PALM2AKAP2: variants seen among roughly 807,000 people sequenced by gnomAD.
The protein encoded by PALM2AKAP2 is PALM2 and AKAP2 fusion, also known as PALM2-AKAP2 fusion protein.
In PALM2AKAP2, 37 loss-of-function variants were observed where a neutral mutation model predicts 71.5. The ratio of observed to expected loss-of-function variants is 0.52; its 90% CI spans 0.40 to 0.68. The LOEUF is 0.68. Among genes scored for constraint, PALM2AKAP2 ranks in the 30% least tolerant of loss-of-function variants. PALM2AKAP2 has a pLI of 0.00. For missense variants in PALM2AKAP2, 1,224 were observed against 1,191.8 expected, an observed-to-expected ratio of 1.03 and a Z score of -0.40; for synonymous variants, 468 against 478.8, an observed-to-expected ratio of 0.98 and a Z score of 0.29.
At chr9:109,882,704 G>A (rs1023670629) in intron 3 of PALM2AKAP2, among the ~76,000 whole-genome samples, 2 of 151,906 alleles carry the variant, frequency 1.3e-5, no homozygotes, top group African/African-American at 4.8e-5. Context: ...CTGCAGTGGT[G>A]CGATCATAGC....
At chr9:109,747,208 G>A (rs1386280224) in intron 1 of PALM2AKAP2, among the ~76,000 whole-genome samples, 1 of 152,156 alleles carries the variant, frequency 6.6e-6, no homozygotes, top group Non-Finnish European at 1.5e-5. Context: ...ACCAGCAGAT[G>A]GATTCACTAG....
chr9:109,722,131 T>C (rs992390801), intron 1 of PALM2AKAP2, among the ~76,000 whole-genome samples: 1 of 152,198 alleles, frequency 6.6e-6, no homozygotes, highest in Non-Finnish European at 1.5e-5. Flanking sequence ...GATTTAACTG[T>C]CCATTTATTG....
intron 6 of PALM2AKAP2, among the ~76,000 whole-genome samples, chr9:109,987,577 C>A (rs1041766857): frequency 3.9e-5 from 6 of 152,160 alleles, no homozygotes; most frequent in African/African-American, 1.4e-4. Context: ...TTTATCATTT[C>A]CTGGAATGCT....
chr9:109,709,598 C>T (rs1408783824), intron 1 of PALM2AKAP2, among the ~76,000 whole-genome samples: 1 of 152,192 alleles, frequency 6.6e-6, no homozygotes, highest in African/African-American at 2.4e-5. Flanking sequence ...TCACCAGGCT[C>T]TACTCCTCAG....
intron 6 of PALM2AKAP2, among the ~76,000 whole-genome samples, chr9:110,003,163 G>T (rs1156975507): frequency 6.6e-6 from 1 of 151,776 alleles, no homozygotes; most frequent in African/African-American, 2.4e-5. Context: ...TCTCTTGTGG[G>T]CATTTAGTGC....
rs77676165 is a variant in PALM2AKAP2, at chr9:110,090,577, C to T, written c.156+41722C>T. On this transcript the variant is annotated intron_variant, in intron 1 of 3. Transcript: ENST00000374525. ...GTCACCCAGAGAGAAAAAGCATATC[C>T]CAAACATTTCAGTTTCTGGGAGTTC... 3.0e-3 allele frequency among the ~76,000 whole-genome samples: 454 copies of T among 152,230 alleles called. 3 individuals carry two copies. The highest frequency in any genetic ancestry group is 0.011 in the African/African-American group (439 of 41,528).
chr9:110,005,731 A>G (rs142897580), intron 6 of PALM2AKAP2, among the ~76,000 whole-genome samples: 2,813 of 151,476 alleles, frequency 0.019, 96 homozygotes, highest in African/African-American at 0.065. Context: ...AATGGCAGGC[A>G]CCCCTCCCCC....
intron 7 of PALM2AKAP2, among the ~76,000 whole-genome samples, chr9:110,026,043 T>C (rs567472868): frequency 3.3e-5 from 5 of 152,026 alleles, no homozygotes; most frequent in Admixed American, 3.3e-4. Context: ...TGCATCAATC[T>C]CTCTTCTTTC....
chr9:109,798,965 G>T (rs565356107), intron 1 of PALM2AKAP2, among the ~76,000 whole-genome samples: 1 of 152,076 alleles, frequency 6.6e-6, no homozygotes, highest in East Asian at 1.9e-4. Context: ...GCTGCCCTCC[G>T]TTTCCCCTCC....
At chr9:109,848,729 C>A (rs944789760) in intron 1 of PALM2AKAP2, among the ~76,000 whole-genome samples, 19 of 150,924 alleles carry the variant, frequency 1.3e-4, no homozygotes, top group African/African-American at 4.6e-4. Flanking sequence ...ATCGCTTGAG[C>A]CCAGGAGTTT....
chr9:110,088,507 G>A lies in PALM2AKAP2; in HGVS notation c.156+39652G>A, dbSNP rs144434745. 2.0e-3 allele frequency among the ~76,000 whole-genome samples: 301 copies of A among 152,190 alleles called. 2 individuals carry two copies. The highest frequency in any genetic ancestry group is 7.0e-3 in the African/African-American group (291 of 41,508). On this transcript the variant is annotated intron_variant, in intron 1 of 3. Coordinates refer to ENST00000374525, the Ensembl canonical transcript of PALM2AKAP2. ...AGAAAAGGGTGGGGGATTTGCAAAG[G>A]GAGTAGTTCTGGTCCTTTTGTTACT...
chr9:110,078,020 A>G (rs1834358548), intron 1 of PALM2AKAP2, among the ~76,000 whole-genome samples: 1 of 151,972 alleles, frequency 6.6e-6, no homozygotes, highest in Non-Finnish European at 1.5e-5. Context: ...TCTCAAAAAA[A>G]AAAAAAAAGA....
intron 1 of PALM2AKAP2, among the ~76,000 whole-genome samples, chr9:109,834,620 G>T (rs1828404206): frequency 6.6e-6 from 1 of 152,080 alleles, no homozygotes; most frequent in South Asian, 2.1e-4. Flanking sequence ...AGATGAATTT[G>T]TCACAGCTCC....
intron 1 of PALM2AKAP2, among the ~76,000 whole-genome samples, chr9:109,736,123 C>T (rs1828630913): frequency 6.6e-6 from 1 of 152,162 alleles, no homozygotes; most frequent in Non-Finnish European, 1.5e-5. Context: ...GACTTCTTCA[C>T]AGGCACAACG....
chr9:109,653,058 A>G (rs2132234234), intron 1 of PALM2AKAP2, among the ~76,000 whole-genome samples: 1 of 152,184 alleles, frequency 6.6e-6, no homozygotes, highest in South Asian at 2.1e-4. Context: ...AGCAACCCAA[A>G]TCCTGTATTA....
At chr9:109,951,369 C>T (rs773900407) in intron 6 of PALM2AKAP2, among the ~76,000 whole-genome samples, 1 of 152,134 alleles carries the variant, frequency 6.6e-6, no homozygotes, top group South Asian at 2.1e-4. Flanking sequence ...AAATAAAAAC[C>T]GACTTCAGAA....
At chr9:110,054,772 A>T (rs1833796890) in intron 1 of PALM2AKAP2, among the ~76,000 whole-genome samples, 1 of 152,130 alleles carries the variant, frequency 6.6e-6, no homozygotes, top group African/African-American at 2.4e-5. Context: ...GGGTCTCACT[A>T]CATCGACCAA....
chr9:110,003,631 G>A (rs553237978), intron 6 of PALM2AKAP2, among the ~76,000 whole-genome samples: 1 of 152,204 alleles, frequency 6.6e-6, no homozygotes, highest in Admixed American at 6.5e-5. Flanking sequence ...ACAGTGGGGT[G>A]TTAAATCTCC....
rs186418400 is a variant in PALM2AKAP2, at chr9:110,037,023, C to T, written c.582+20984C>T. ...TTATAACAATTACCGCCTCCTGACA[C>T]AAAATACATTTCATGTATCTGCATG... On this transcript the variant is annotated intron_variant, in intron 7 of 9. Transcript: ENST00000302798. Among the ~76,000 whole-genome samples the T allele has an allele frequency of 1.1e-4, 17 of 152,306 alleles. No individual in the cohort carries two copies. The East Asian group carries it at 2.7e-3, about 24-fold the overall frequency.
Sources: gnomAD v4.1 joint callset for allele counts (sites outside exome capture counted in the v4.1 genomes callset) on GRCh38, gnomAD v4.1.1 for gene constraint, MANE v1.5 for transcripts, NCBI Gene and HGNC (gene_info 2026-07-23, HGNC 2026-07-21) for gene names.